Variants in SH3RF2 observed in about 807,000 individuals in gnomAD.
SH3RF2 encodes the protein E3 ubiquitin-protein ligase SH3RF2.
A neutral mutation model predicts 59.0 loss-of-function variants in SH3RF2; 43 were observed. That is an observed-to-expected ratio of 0.73 (90% CI 0.57 to 0.94). The LOEUF is 0.94. SH3RF2 is among the 40% of genes least tolerant of loss of function. The pLI is 0.00. For synonymous variants in SH3RF2, 391 were observed against 391.5 expected, an observed-to-expected ratio of 1.00 and a Z score of 0.01; for missense variants, 930 against 940.1, an observed-to-expected ratio of 0.99 and a Z score of 0.14.
intron 2 of SH3RF2, among the ~76,000 whole-genome samples, chr5:145,944,459 C>T (rs748104178): frequency 1.3e-5 from 2 of 151,662 alleles, no homozygotes; most frequent in Non-Finnish European, 2.9e-5. Flanking sequence ...TCAAGCAATC[C>T]TGCCTCAGCT....
intron 9 of SH3RF2, among the ~76,000 whole-genome samples, chr5:146,072,670 A>T (rs576344171): frequency 2.0e-5 from 3 of 149,274 alleles, no homozygotes; most frequent in Admixed American, 6.7e-5. Context: ...ACTCCATCTT[A>T]AAAAAAAAAG....
rs543793136 is a variant in SH3RF2, at chr5:146,019,693, G to A, written c.1059+5632G>A. On this transcript the variant is annotated intron_variant, in intron 5 of 9. Coordinates refer to ENST00000359120, the MANE Select transcript of SH3RF2 (RefSeq NM_152550.4). The stretch of plus-strand genomic sequence containing the variant: ...TTGAATCTGTAGATTACTTTGAGCG[G>A]TATGGTCATTTCACGATATTGTTTC... Among the ~76,000 whole-genome samples, 17 of 152,180 alleles carry A rather than the reference G, an allele frequency of 1.1e-4. 3 individuals are homozygous for A. Among genetic ancestry groups the A allele is most frequent in the African/African-American group, 4.1e-4 (17 of 41,530 alleles).
downstream of SH3RF2, among the ~76,000 whole-genome samples, chr5:146,064,854 AAGAAAGAAAG>A (rs1237168042): frequency 0.091 from 2,400 of 26,516 alleles, 238 homozygotes; most frequent in East Asian, 0.22. Flanking sequence ...GAAAGAAAGA[AAGAAAGAAAG>A]AGAAAGAAAA....
At chr5:145,997,444 A>C (rs1046244982) in intron 2 of SH3RF2, 3 of 1,464,604 alleles carry the variant, frequency 2.0e-6, no homozygotes, top group East Asian at 2.3e-5. Flanking sequence ...TGGTGCAAGG[A>C]TGTTTATGTC....
At chr5:146,004,520 AC>A (rs946177671) in intron 4 of SH3RF2, among the ~76,000 whole-genome samples, 1 of 152,218 alleles carries the variant, frequency 6.6e-6, no homozygotes, top group African/African-American at 2.4e-5. Context: ...AAAAATGTTC[AC>A]CATAATGTTA....
chr5:146,022,923 A>ACACACACAC (rs1561747594), intron 5 of SH3RF2, among the ~76,000 whole-genome samples: 2 of 146,068 alleles, frequency 1.4e-5, no homozygotes, highest in African/African-American at 5.2e-5. Flanking sequence ...ACACACACAC[A>ACACACACAC]ATTCCTTAAA....
At chr5:145,939,976 A>G (rs1261896134) in intron 2 of SH3RF2, among the ~76,000 whole-genome samples, 1 of 152,216 alleles carries the variant, frequency 6.6e-6, no homozygotes, top group African/African-American at 2.4e-5. Flanking sequence ...TGCAAAGGAC[A>G]GGTAGCGATG....
chr5:146,071,420 G>A (rs1763238955), intron 9 of SH3RF2, among the ~76,000 whole-genome samples: 1 of 152,246 alleles, frequency 6.6e-6, no homozygotes, highest in South Asian at 2.1e-4. Flanking sequence ...GGGTGATACT[G>A]TTTTGAAGGG....
downstream of SH3RF2, among the ~76,000 whole-genome samples, chr5:146,064,770 G>A (rs756844050): frequency 0.08 from 1,891 of 23,778 alleles, 199 homozygotes; most frequent in Admixed American, 0.14. Flanking sequence ...AAGGAAGGAA[G>A]GAAGGAAAGG....
chr5:146,000,385 CAG>C (rs1482849665), intron 3 of SH3RF2, 58 bp downstream of exon 3: 18 of 1,475,728 alleles, frequency 1.2e-5, no homozygotes, highest in Non-Finnish European at 1.6e-5. Flanking sequence ...CATAGCAGAA[CAG>C]AGTTCCTTGT....
In SH3RF2 at chr5:146,057,682, G is replaced by A. The variant is rs117909699; in HGVS notation, c.1555+1469G>A. Among the ~76,000 whole-genome samples, 43 of 152,292 alleles carry A rather than the reference G, an allele frequency of 2.8e-4. 1 individual carries two copies. The East Asian group carries it at 7.9e-3, about 28-fold the overall frequency. ...GGCTGAATGTGTGTGGCTCACACCT[G>A]TAACCCTAGCACTTTGGGAGGCTGA... On this transcript the variant is annotated intron_variant, in intron 8 of 9. Coordinates refer to ENST00000359120, the MANE Select transcript of SH3RF2 (RefSeq NM_152550.4).
At chr5:146,054,416 C>A (rs1486034930) in intron 7 of SH3RF2, among the ~76,000 whole-genome samples, 2 of 152,184 alleles carry the variant, frequency 1.3e-5, no homozygotes, top group Non-Finnish European at 2.9e-5. Flanking sequence ...TGTTGCCAGT[C>A]CACTTTGCAG....
chr5:146,060,170 T>G lies in SH3RF2; in HGVS notation c.1860T>G (p.Ser620=). The G allele has an allele frequency of 1.2e-6, 2 of 1,613,902 alleles. No individual in the cohort carries two copies. The highest frequency in any genetic ancestry group is 1.7e-6 in the Non-Finnish European group (2 of 1,179,890). The change falls in exon 9 of 10, where the codon TCT becomes TCG. Residue 620 remains serine (S), a synonymous_variant. Coordinates refer to ENST00000359120, the MANE Select transcript of SH3RF2 (RefSeq NM_152550.4). The part of the protein sequence containing the change: ...KSEPLPKPPA[S]APPSILVKPE... ...AGCCTCTGCCAAAACCGCCCGCATC[T>G]GCCCCACCATCCATCCTGGTGAAAC...
rs180696271 is a variant in SH3RF2 at position 145,951,472 on chromosome 5, G to A, written c.378+13166G>A. 3.9e-5 allele frequency among the ~76,000 whole-genome samples: 6 copies of A among 152,328 alleles called. No homozygotes were observed. In the East Asian group the frequency reaches 1.2e-3, roughly 29 times the overall value. Reference sequence around the variant, plus strand: ...AGCCACATACGTAGGGACTCAGTGAGTCTTCTAATTCCTTTGCATTCTAAA... The same window carrying A: ...AGCCACATACGTAGGGACTCAGTGAATCTTCTAATTCCTTTGCATTCTAAA... On this transcript the variant is annotated intron_variant, in intron 2 of 9. Coordinates refer to ENST00000359120, the MANE Select transcript of SH3RF2 (RefSeq NM_152550.4).
chr5:145,980,846 C>T (rs780196601), intron 2 of SH3RF2, among the ~76,000 whole-genome samples: 6 of 152,082 alleles, frequency 3.9e-5, no homozygotes, highest in Non-Finnish European at 5.9e-5. Context: ...ATATACCTAT[C>T]GCCCAGCCTC....
At chr5:146,041,884 T>C (rs1486495872) in intron 5 of SH3RF2, among the ~76,000 whole-genome samples, 1 of 152,078 alleles carries the variant, frequency 6.6e-6, no homozygotes. Context: ...TGAGCCATGA[T>C]TGCACCATGG....
At chr5:145,957,761 CT>C (rs542017252) in intron 2 of SH3RF2, among the ~76,000 whole-genome samples, 325 of 152,196 alleles carry the variant, frequency 2.1e-3, no homozygotes, top group Non-Finnish European at 2.6e-3. Flanking sequence ...TCACTGTTCA[CT>C]TCAACAATGT....
At position 146,059,915 on chromosome 5, in the gene SH3RF2, A is replaced by G. The variant is rs558501536; in HGVS notation, c.1605A>G (p.Val535=). ...AGTCCGGGATCCCCACTCTCGTGGTAGGCTCCCTCAGACGCAGCCCCACCA... is the reference window on the plus strand; with the variant it reads ...AGTCCGGGATCCCCACTCTCGTGGTGGGCTCCCTCAGACGCAGCCCCACCA... ...PLQSGIPTLV[V]GSLRRSPTMV... Residue 535 remains valine (V), a synonymous_variant, in exon 9 of 10, where the codon GTA becomes GTG. Transcript: ENST00000359120. The G allele has an allele frequency of 1.0e-5, 15 of 1,500,756 alleles. No individual in the cohort carries two copies. In the South Asian group the frequency reaches 1.7e-4, roughly 17 times the overall value. 93.0% of individuals were successfully genotyped at this position (1,500,756 alleles called of 1,614,324 possible).
chr5:145,947,731 TTAA>T (rs1758049132), intron 2 of SH3RF2, among the ~76,000 whole-genome samples: 1 of 152,224 alleles, frequency 6.6e-6, no homozygotes, highest in South Asian at 2.1e-4. Flanking sequence ...ATTGTTATTA[TTAA>T]TATTTCCCAG....
Sources: gnomAD v4.1 joint callset for allele counts (sites outside exome capture counted in the v4.1 genomes callset) on GRCh38, gnomAD v4.1.1 for gene constraint, MANE v1.5 for transcripts, NCBI Gene and HGNC (gene_info 2026-07-23, HGNC 2026-07-21) for gene names.